Variants in SERPINE2 observed in about 807,000 individuals in gnomAD.
The protein encoded by SERPINE2 is serpin family E member 2, also known as glia-derived nexin.
In SERPINE2, 14 loss-of-function variants were observed where a neutral mutation model predicts 36.3. The ratio of observed to expected loss-of-function variants is 0.39; its 90% CI spans 0.25 to 0.60. SERPINE2 has a LOEUF of 0.60. SERPINE2 is among the 20% of genes least tolerant of loss of function. The probability of loss-of-function intolerance (pLI) is 0.57; values close to 1 mark genes in which losing one functional copy is unlikely to be tolerated. For missense variants in SERPINE2, 418 were observed against 499.6 expected, an observed-to-expected ratio of 0.84 and a Z score of 1.56; for synonymous variants, 192 against 191.8, an observed-to-expected ratio of 1.00 and a Z score of -0.01.
intron 4 of SERPINE2, among the ~76,000 whole-genome samples, chr2:223,989,625 T>C (rs149421480): frequency 3.9e-5 from 6 of 152,222 alleles, no homozygotes; most frequent in Non-Finnish European, 8.8e-5. Context: ...ACAGGGAACT[T>C]ATGACACTCT....
intron 1 of SERPINE2, among the ~76,000 whole-genome samples, chr2:224,034,791 A>AG (rs150380332): frequency 0.013 from 2,005 of 152,256 alleles, 37 homozygotes; most frequent in African/African-American, 0.046. Context: ...ATCTCCACCC[A>AG]GGGGGGCTGC....
chr2:224,001,820 G>A lies in SERPINE2; in HGVS notation c.81C>T (p.Leu27=), dbSNP rs750112753. The A allele has an allele frequency of 7.4e-6, 12 of 1,613,954 alleles. No homozygotes were observed. The highest frequency in any genetic ancestry group is 3.3e-5 in the Admixed American group (2 of 60,000). ...TCCCCGTGTTGGAGCCTAGTTCCTC[G>A]AGAGACAGAGGATTGAAGTGGGAGC... ...SICSHFNPLS[L]EELGSNTGIQ... Residue 27 remains leucine, a synonymous_variant, in exon 2 of 9, where the codon CTC becomes CTT. Transcript: ENST00000409304.
At chr2:224,020,095 C>T (rs1451273892) in intron 1 of SERPINE2, among the ~76,000 whole-genome samples, 5 of 152,138 alleles carry the variant, frequency 3.3e-5, no homozygotes, top group Admixed American at 3.3e-4. Context: ...GTCTGAATCA[C>T]ACAAGTAATG....
In SERPINE2 at chr2:224,001,697, C is replaced by T; in HGVS notation, c.204G>A (p.Gly68=). The change falls in exon 2 of 9, where the codon GGG becomes GGA. Residue 68 remains glycine, a synonymous_variant. Coordinates refer to ENST00000409304, the MANE Select transcript of SERPINE2 (RefSeq NM_001136528.2). ...IASVLGMLQL[G]ADGRTKKQLA... The stretch of plus-strand genomic sequence containing the variant: ...GCTGCTTCTTGGTCCTGCCGTCCGC[C>T]CCCAGCTGAAGCATCCCCAGGACCG... 1.2e-6 allele frequency: 2 copies of T among 1,614,202 alleles called. No individual in the cohort carries two copies. Among genetic ancestry groups the T allele is most frequent in the Non-Finnish European group, 8.5e-7 (1 of 1,180,046 alleles).
At chr2:224,000,120 C>T (rs1392874445) in intron 2 of SERPINE2, among the ~76,000 whole-genome samples, 5 of 152,216 alleles carry the variant, frequency 3.3e-5, no homozygotes, top group African/African-American at 4.8e-5. Context: ...CCTCACTGAT[C>T]TTACTCTCCA....
intron 1 of SERPINE2, among the ~76,000 whole-genome samples, chr2:224,014,380 A>G (rs1416433896): frequency 2.0e-5 from 3 of 152,210 alleles, no homozygotes; most frequent in Non-Finnish European, 4.4e-5. Context: ...TCTCAAAAAA[A>G]AAGAAAAAGA....
chr2:223,987,326 G>A (rs1486149452), intron 4 of SERPINE2, among the ~76,000 whole-genome samples: 1 of 151,818 alleles, frequency 6.6e-6, no homozygotes, highest in Non-Finnish European at 1.5e-5. Flanking sequence ...ACACAAAATC[G>A]GCCCACCCAG....
intron 5 of SERPINE2, among the ~76,000 whole-genome samples, 185 bp from the exon 6 acceptor site, chr2:223,982,966 A>T (rs1690276866): frequency 6.6e-6 from 1 of 152,208 alleles, no homozygotes; most frequent in Admixed American, 6.5e-5. Flanking sequence ...TCTCTCAAAC[A>T]CTTAGCTGGC....
chr2:224,036,668 T>C (rs1024500043), intron 1 of SERPINE2, among the ~76,000 whole-genome samples: 5 of 149,768 alleles, frequency 3.3e-5, no homozygotes, highest in Admixed American at 2.0e-4. Flanking sequence ...AGATTGCTTG[T>C]TCAGGAAGTC....
At chr2:224,007,975 C>T (rs1284404935) in intron 1 of SERPINE2, among the ~76,000 whole-genome samples, 9 of 152,224 alleles carry the variant, frequency 5.9e-5, no homozygotes, top group Non-Finnish European at 1.2e-4. Context: ...TTTATGGCTG[C>T]ATCTGTGCTA....
intron 1 of SERPINE2, among the ~76,000 whole-genome samples, chr2:224,005,325 T>C (rs1028572500): frequency 6.6e-6 from 1 of 151,964 alleles, no homozygotes; most frequent in Non-Finnish European, 1.5e-5. Context: ...GAGAGCTGTC[T>C]ATGTACAGTT....
chr2:224,034,553 A>G (rs1216787627), intron 1 of SERPINE2, among the ~76,000 whole-genome samples: 1 of 152,118 alleles, frequency 6.6e-6, no homozygotes, highest in East Asian at 1.9e-4. Flanking sequence ...GAGCCCATGG[A>G]GCACTGTGGA....
intron 1 of SERPINE2, among the ~76,000 whole-genome samples, chr2:224,028,617 A>G (rs893970953): frequency 2.0e-5 from 3 of 152,194 alleles, no homozygotes; most frequent in Non-Finnish European, 4.4e-5. Flanking sequence ...CGGGTGTTCT[A>G]CACACCTGAA....
At chr2:224,004,837 G>A (rs1301942960) in intron 1 of SERPINE2, among the ~76,000 whole-genome samples, 3 of 150,538 alleles carry the variant, frequency 2.0e-5, no homozygotes, top group Non-Finnish European at 2.9e-5. Context: ...GTCTACATTC[G>A]GCCCACTATA....
At chr2:223,997,625 C>T (rs1380023695) in intron 3 of SERPINE2, among the ~76,000 whole-genome samples, 1 of 151,976 alleles carries the variant, frequency 6.6e-6, no homozygotes, top group Non-Finnish European at 1.5e-5. Context: ...GGGCTGTAAT[C>T]GGGGGGGTGT....
chr2:223,995,404 G>A (rs745504238), intron 3 of SERPINE2, among the ~76,000 whole-genome samples: 1 of 152,198 alleles, frequency 6.6e-6, no homozygotes, highest in Non-Finnish European at 1.5e-5. Context: ...ATTTGGCAGG[G>A]ATGTTTTTAA....
At position 223,975,814 on chromosome 2, in the gene SERPINE2, C is replaced by A. The variant is rs1689988084; in HGVS notation, c.*53G>T. ...ACTATGAAAGATGCAGGAAAGGAGTCTTTCTTCGTAGCAAAGTAGTCGTTG... is the reference window on the plus strand; with the variant it reads ...ACTATGAAAGATGCAGGAAAGGAGTATTTCTTCGTAGCAAAGTAGTCGTTG... On this transcript the variant is annotated 3_prime_UTR_variant, in exon 9 of 9. Coordinates refer to ENST00000409304, the MANE Select transcript of SERPINE2 (RefSeq NM_001136528.2). 6.9e-7 allele frequency: 1 copy of A among 1,442,506 alleles called. No homozygotes were observed. The allele number at this position is 1,442,506 out of a possible 1,614,324, so 89.4% of individuals were successfully genotyped here. A position where few individuals can be genotyped will look rare whatever the true frequency, so the allele number is the denominator to read the frequency against.
chr2:223,985,152 A>T (rs970721194), intron 4 of SERPINE2: 4 of 584,734 alleles, frequency 6.8e-6, no homozygotes, highest in Admixed American at 3.2e-5. Flanking sequence ...TTCAGTCTAG[A>T]CAGAATGCCT....
chr2:224,023,352 G>A (rs1381289944), intron 1 of SERPINE2, among the ~76,000 whole-genome samples: 3 of 152,204 alleles, frequency 2.0e-5, no homozygotes, highest in Admixed American at 1.3e-4. Flanking sequence ...CATCTAAGCA[G>A]CCAGTGTCTC....
Sources: gnomAD v4.1 joint callset for allele counts (sites outside exome capture counted in the v4.1 genomes callset) on GRCh38, gnomAD v4.1.1 for gene constraint, MANE v1.5 for transcripts, NCBI Gene and HGNC (gene_info 2026-07-23, HGNC 2026-07-21) for gene names.